NCAM1: variants seen among roughly 807,000 people sequenced by gnomAD.
The protein encoded by NCAM1 is antigen recognized by monoclonal antibody 5.1H11.
NCAM1 carries 14 observed loss-of-function variants against 109.8 expected under a neutral mutation model. The ratio of observed to expected loss-of-function variants is 0.13; its 90% CI spans 0.08 to 0.20. NCAM1 has a LOEUF of 0.20. Among genes scored for constraint, NCAM1 ranks in the 10% least tolerant of loss-of-function variants. The pLI, the probability that NCAM1 is intolerant of heterozygous loss-of-function variation, is 1.00. For missense variants in NCAM1, 774 were observed against 1,109.9 expected, an observed-to-expected ratio of 0.70 and a Z score of 4.30; for synonymous variants, 418 against 442.9, an observed-to-expected ratio of 0.94 and a Z score of 0.70.
intron 1 of NCAM1, among the ~76,000 whole-genome samples, chr11:112,974,817 GTGTGTGTGTGTGTGTATGTA>G (rs1307235868): frequency 5.9e-5 from 9 of 151,596 alleles, no homozygotes; most frequent in Admixed American, 5.9e-4. Flanking sequence ...CAGTTTGTGT[GTGTGTGTGTGTGTGTATGTA>G]TGTGTGTGTG....
At chr11:113,120,132 A>G (rs11214505) in intron 1 of NCAM1, among the ~76,000 whole-genome samples, 7,999 of 152,314 alleles carry the variant, frequency 0.053, 269 homozygotes, top group Middle Eastern at 0.088. Context: ...TGGAAAATTT[A>G]CTGGTTTATG....
At chr11:113,259,624 C>G (rs1241715905) in intron 16 of NCAM1, among the ~76,000 whole-genome samples, 1 of 151,966 alleles carries the variant, frequency 6.6e-6, no homozygotes, top group Admixed American at 6.6e-5. Flanking sequence ...CTTGTGTTTG[C>G]CAGCATGCAA....
chr11:113,173,806 G>A (rs906735345), intron 1 of NCAM1, among the ~76,000 whole-genome samples: 1 of 151,680 alleles, frequency 6.6e-6, no homozygotes, highest in Non-Finnish European at 1.5e-5. Context: ...TAGTAAAACC[G>A]TACCAGCAGC....
At position 113,033,418 on chromosome 11, in the gene NCAM1, G is replaced by A. The variant is rs77277596; in HGVS notation, c.52+71754G>A. 8.2e-3 allele frequency among the ~76,000 whole-genome samples: 1,255 copies of A among 152,230 alleles called. 27 individuals are homozygous for A. Among genetic ancestry groups the A allele is most frequent in the African/African-American group, 0.028 (1,182 of 41,534 alleles). On this transcript the variant is annotated intron_variant, in intron 1 of 19. Coordinates refer to ENST00000316851, the MANE Select transcript of NCAM1 (RefSeq NM_181351.5). ...CCAGCTTCAGGATGTATTAAAACAA[G>A]CGTGGAGACAGAATGAAGACTGATG...
intron 1 of NCAM1, among the ~76,000 whole-genome samples, chr11:113,062,584 G>A (rs527704647): frequency 6.6e-6 from 1 of 152,224 alleles, no homozygotes; most frequent in African/African-American, 2.4e-5. Flanking sequence ...CAAAGAGTGT[G>A]CCAAGCAGTA....
At chr11:113,232,874 C>G (rs1945051100) in intron 12 of NCAM1, 60 bp downstream of exon 12, 1 of 1,427,542 alleles carries the variant, frequency 7.0e-7, no homozygotes. Flanking sequence ...ACCCTGCCAG[C>G]CCAATTTGTG....
intron 1 of NCAM1, among the ~76,000 whole-genome samples, chr11:113,118,699 T>A (rs535090435): frequency 6.6e-6 from 1 of 151,812 alleles, no homozygotes; most frequent in African/African-American, 2.4e-5. Flanking sequence ...GACGAATGGG[T>A]TCAGAATTGA....
intron 13 of NCAM1, 69 bp from the exon 14 acceptor site, chr11:113,234,964 A>G (rs1945119595): frequency 6.7e-7 from 1 of 1,485,122 alleles, no homozygotes; most frequent in Non-Finnish European, 9.0e-7. Flanking sequence ...GACCCTCCCT[A>G]CTGTTTTTCA....
intron 7 of NCAM1, among the ~76,000 whole-genome samples, chr11:113,213,470 T>C (rs1283919870): frequency 6.6e-6 from 1 of 152,202 alleles, no homozygotes; most frequent in Non-Finnish European, 1.5e-5. Context: ...TCAACTCATC[T>C]CCTTCCCATC....
intron 15 of NCAM1, among the ~76,000 whole-genome samples, chr11:113,248,225 T>C (rs369671240): frequency 1.3e-3 from 112 of 83,430 alleles, no homozygotes; most frequent in African/African-American, 3.7e-3. Flanking sequence ...ATGTGGCCGG[T>C]ACCAAAAAAA....
intron 1 of NCAM1, among the ~76,000 whole-genome samples, chr11:113,064,497 A>G (rs549599191): frequency 7.2e-5 from 11 of 152,034 alleles, no homozygotes; most frequent in Non-Finnish European, 1.5e-4. Context: ...TCTTGAAATT[A>G]TTTTTCCTTA....
At chr11:113,097,509 G>A (rs148844875) in intron 1 of NCAM1, among the ~76,000 whole-genome samples, 16 of 151,682 alleles carry the variant, frequency 1.1e-4, no homozygotes, top group Non-Finnish European at 2.1e-4. Context: ...ATACCCTCCC[G>A]TTAGCTGAAT....
intron 1 of NCAM1, among the ~76,000 whole-genome samples, chr11:113,167,800 G>C (rs1044304753): frequency 2.6e-5 from 4 of 152,176 alleles, no homozygotes; most frequent in African/African-American, 4.8e-5. Flanking sequence ...TTGGCAGGCG[G>C]ACTTTTCTAG....
At chr11:113,098,673 C>T (rs528137700) in intron 1 of NCAM1, among the ~76,000 whole-genome samples, 54 of 152,242 alleles carry the variant, frequency 3.5e-4, no homozygotes, top group Non-Finnish European at 6.5e-4. Flanking sequence ...CAGATAAGGA[C>T]TCCTTGAGGA....
At chr11:113,124,918 G>A (rs1555096750) in intron 1 of NCAM1, among the ~76,000 whole-genome samples, 1 of 152,168 alleles carries the variant, frequency 6.6e-6, no homozygotes, top group Non-Finnish European at 1.5e-5. Context: ...GATTGCTTGA[G>A]GCCGTCCGTC....
At chr11:113,029,309 A>G (rs985389320) in intron 1 of NCAM1, among the ~76,000 whole-genome samples, 4 of 152,242 alleles carry the variant, frequency 2.6e-5, no homozygotes, top group African/African-American at 7.2e-5. Flanking sequence ...GAAATATTCC[A>G]TTGAATGAAT....
intron 1 of NCAM1, among the ~76,000 whole-genome samples, chr11:113,098,839 G>T (rs1349418844): frequency 6.6e-6 from 1 of 152,160 alleles, no homozygotes; most frequent in Non-Finnish European, 1.5e-5. Flanking sequence ...GGTTGGGCAG[G>T]TCTATGACCA....
chr11:113,125,838 TAACAAC>T (rs1482623005), intron 1 of NCAM1, among the ~76,000 whole-genome samples: 3 of 152,054 alleles, frequency 2.0e-5, no homozygotes, highest in African/African-American at 7.2e-5. Flanking sequence ...TTCCTACCCT[TAACAAC>T]AATAACAACA....
At chr11:113,189,904 A>G (rs1293614247) in intron 1 of NCAM1, among the ~76,000 whole-genome samples, 1 of 150,960 alleles carries the variant, frequency 6.6e-6, no homozygotes, top group Non-Finnish European at 1.5e-5. Flanking sequence ...ACTATGCTGG[A>G]TAAAAGGATC....
Sources: gnomAD v4.1 joint callset for allele counts (sites outside exome capture counted in the v4.1 genomes callset) on GRCh38, gnomAD v4.1.1 for gene constraint, MANE v1.5 for transcripts, NCBI Gene and HGNC (gene_info 2026-07-23, HGNC 2026-07-21) for gene names.